Variants in KCNQ5 observed in about 807,000 individuals in gnomAD.
The protein encoded by KCNQ5 is potassium voltage-gated channel subfamily Q member 5, also known as potassium voltage-gated channel subfamily KQT member 5.
Under a neutral mutation model 98.2 loss-of-function variants are expected in KCNQ5, and 30 were observed. The observed-to-expected ratio is 0.31, with a 90% CI of 0.23 to 0.41. The LOEUF (loss-of-function observed/expected upper bound fraction) is 0.41, where lower values mean the gene tolerates loss of function less well. Among genes scored for constraint, KCNQ5 ranks in the 10% least tolerant of loss-of-function variants. The probability of loss-of-function intolerance (pLI) is 1.00; values close to 1 mark genes in which losing one functional copy is unlikely to be tolerated. For missense variants in KCNQ5, 835 were observed against 1,182.5 expected, an observed-to-expected ratio of 0.71 and a Z score of 4.31; for synonymous variants, 458 against 449.4, an observed-to-expected ratio of 1.02 and a Z score of -0.24.
At chr6:72,983,559 G>T (rs909656258) in intron 1 of KCNQ5, among the ~76,000 whole-genome samples, 6 of 152,106 alleles carry the variant, frequency 3.9e-5, no homozygotes, top group African/African-American at 1.4e-4. Flanking sequence ...GTTTATTCTA[G>T]TTAACCATTC....
At chr6:72,843,647 G>A (rs1344301114) in intron 1 of KCNQ5, among the ~76,000 whole-genome samples, 2 of 152,038 alleles carry the variant, frequency 1.3e-5, no homozygotes, top group African/African-American at 4.8e-5. Context: ...AATTCCTCAA[G>A]GATCTAGAAC....
chr6:73,129,695 A>G, intron 9 of KCNQ5: 1 of 1,004,684 alleles, frequency 1.0e-6, no homozygotes, highest in Non-Finnish European at 1.5e-6. Flanking sequence ...ATTAAAAACA[A>G]TAAAGCCAAA....
At chr6:72,763,518 C>T (rs983281474) in intron 1 of KCNQ5, among the ~76,000 whole-genome samples, 22 of 151,934 alleles carry the variant, frequency 1.4e-4, no homozygotes, top group Non-Finnish European at 2.5e-4. Context: ...ATGCTTGGTG[C>T]CCTTTATTGT....
At chr6:73,046,616 T>C (rs531407345) in intron 3 of KCNQ5, among the ~76,000 whole-genome samples, 1 of 137,874 alleles carries the variant, frequency 7.3e-6, no homozygotes, top group Non-Finnish European at 1.6e-5. Flanking sequence ...TTATTCTATT[T>C]TATTTTATTT....
chr6:72,673,601 C>T (rs552148045), intron 1 of KCNQ5, among the ~76,000 whole-genome samples: 18 of 152,096 alleles, frequency 1.2e-4, no homozygotes, highest in African/African-American at 4.3e-4. Context: ...GGCAGTGACC[C>T]ATGGGGAGGA....
At chr6:73,111,924 G>A (rs1189374090) in intron 7 of KCNQ5, among the ~76,000 whole-genome samples, 2 of 152,146 alleles carry the variant, frequency 1.3e-5, no homozygotes, top group East Asian at 1.9e-4. Flanking sequence ...GAGCTGATGG[G>A]ACTATGGAAT....
At chr6:72,982,487 C>CTTTTTTTTTTTTTTTTTT (rs141947372) in intron 1 of KCNQ5, among the ~76,000 whole-genome samples, 7 of 60,290 alleles carry the variant, frequency 1.2e-4, no homozygotes, top group South Asian at 9.0e-4. Flanking sequence ...GCAACCCCTG[C>CTTTTTTTTTTTTTTTTTT]TTTTTTTTTT....
intron 10 of KCNQ5, chr6:73,157,593 C>A (rs917684577): frequency 5.2e-6 from 4 of 767,582 alleles, no homozygotes; most frequent in Non-Finnish European, 9.7e-6. Flanking sequence ...GCATGGAGGG[C>A]GGCGGCAACG....
At chr6:72,765,971 C>T (rs558851151) in intron 1 of KCNQ5, among the ~76,000 whole-genome samples, 73 of 152,064 alleles carry the variant, frequency 4.8e-4, no homozygotes, top group Admixed American at 1.7e-3. Flanking sequence ...CTACTGTGTG[C>T]CAAGTCCTCT....
intron 3 of KCNQ5, among the ~76,000 whole-genome samples, chr6:73,045,455 A>G (rs552136349): frequency 2.0e-5 from 3 of 152,296 alleles, no homozygotes; most frequent in South Asian, 2.1e-4. Flanking sequence ...CTCTTCTGTC[A>G]TAATAACATT....
intron 1 of KCNQ5, among the ~76,000 whole-genome samples, chr6:72,965,998 G>A (rs760271362): frequency 3.3e-5 from 5 of 152,174 alleles, no homozygotes; most frequent in Admixed American, 1.3e-4. Flanking sequence ...GCCCAAGGCC[G>A]TGTGCTGGAG....
intron 1 of KCNQ5, among the ~76,000 whole-genome samples, chr6:72,915,258 A>T (rs1432003138): frequency 6.6e-6 from 1 of 152,194 alleles, no homozygotes; most frequent in African/African-American, 2.4e-5. Context: ...ATATATTTAG[A>T]TTAGGCATGA....
chr6:72,775,764 A>G (rs1475462624), intron 1 of KCNQ5, among the ~76,000 whole-genome samples: 1 of 152,180 alleles, frequency 6.6e-6, no homozygotes, highest in Non-Finnish European at 1.5e-5. Context: ...TGGTAACATC[A>G]GACATGCCCA....
chr6:72,790,000 G>A (rs1163368659), intron 1 of KCNQ5, among the ~76,000 whole-genome samples: 1 of 152,150 alleles, frequency 6.6e-6, no homozygotes, highest in Non-Finnish European at 1.5e-5. Flanking sequence ...ATTGAGATGA[G>A]GGGATCCTGC....
At chr6:72,760,170 T>C (rs1772190704) in intron 1 of KCNQ5, among the ~76,000 whole-genome samples, 1 of 152,146 alleles carries the variant, frequency 6.6e-6, no homozygotes. Flanking sequence ...TACTGGACTT[T>C]GTCTATACTT....
rs139114402 is a variant in KCNQ5, at chr6:72,995,293, A to G, written c.399-8615A>G. Among the ~76,000 whole-genome samples, 1,214 of 151,176 alleles carry G rather than the reference A, an allele frequency of 8.0e-3. 20 individuals are homozygous for G. Among genetic ancestry groups the G allele is most frequent in the African/African-American group, 0.028 (1,145 of 41,140 alleles). On this transcript the variant is annotated intron_variant, in intron 1 of 13. Coordinates refer to ENST00000370398, the MANE Select transcript of KCNQ5 (RefSeq NM_019842.4). ...TGAGGCAGGAGAATCGCTTGAACCC[A>G]GGAGGTGGACTTTGCAGTGAGCTGA... is the stretch of plus-strand genomic sequence containing the variant.
At chr6:73,166,300 G>C (rs1480211049) in intron 10 of KCNQ5, among the ~76,000 whole-genome samples, 1 of 151,868 alleles carries the variant, frequency 6.6e-6, no homozygotes, top group Middle Eastern at 3.2e-3. Context: ...GCTGGGCATG[G>C]TGGCGGGCAC....
At chr6:72,719,752 G>A (rs1487906759) in intron 1 of KCNQ5, among the ~76,000 whole-genome samples, 2 of 152,102 alleles carry the variant, frequency 1.3e-5, no homozygotes, top group Admixed American at 6.5e-5. Context: ...ACTCCTCAGG[G>A]ATTGGACAGT....
intron 8 of KCNQ5, among the ~76,000 whole-genome samples, chr6:73,124,077 A>G (rs539085983): frequency 2.0e-5 from 3 of 152,334 alleles, no homozygotes; most frequent in African/African-American, 7.2e-5. Context: ...CTGAGATACA[A>G]TTCATTAATG....
Sources: allele counts gnomAD v4.1 joint callset (sites outside exome capture counted in the v4.1 genomes callset), GRCh38; gene constraint gnomAD v4.1.1; transcripts MANE v1.5; gene names NCBI Gene and HGNC (gene_info 2026-07-23, HGNC 2026-07-21).